The following FNIP2 variants were observed in gnomAD, a reference collection of about 807,000 sequenced individuals.
FNIP2 encodes folliculin interacting protein 2, also known as folliculin-interacting protein 2.
Under a neutral mutation model 108.7 loss-of-function variants are expected in FNIP2, and 32 were observed. The ratio of observed to expected loss-of-function variants is 0.29; its 90% CI spans 0.22 to 0.40. FNIP2 has a LOEUF of 0.40. Among genes scored for constraint, FNIP2 ranks in the 10% least tolerant of loss-of-function variants. The pLI, the probability that FNIP2 is intolerant of heterozygous loss-of-function variation, is 1.00. For missense variants in FNIP2, 1,202 were observed against 1,381.6 expected, an observed-to-expected ratio of 0.87 and a Z score of 2.06; for synonymous variants, 480 against 496.7, an observed-to-expected ratio of 0.97 and a Z score of 0.45.
chr4:158,900,874 A>C (rs769888711), intron 16 of FNIP2, among the ~76,000 whole-genome samples: 3 of 152,152 alleles, frequency 2.0e-5, no homozygotes, highest in Non-Finnish European at 4.4e-5. Context: ...TGATCCTGTC[A>C]TTATGATGCT....
intron 1 of FNIP2, among the ~76,000 whole-genome samples, chr4:158,770,409 T>G (rs530537589): frequency 4.6e-5 from 7 of 152,292 alleles, no homozygotes; most frequent in Non-Finnish European, 8.8e-5. Flanking sequence ...GTTAAACAGA[T>G]CTAGACCCAG....
chr4:158,869,303 A>G lies in FNIP2; in HGVS notation c.2667A>G (p.Arg889=). The change falls in exon 13 of 17, where the codon CGA becomes CGG. Residue 889 remains arginine, a synonymous_variant. Coordinates refer to ENST00000264433, the MANE Select transcript of FNIP2 (RefSeq NM_020840.3). ...ANFRTEGDIP[R]NESSDSALGD... is the part of the protein sequence containing the mutation. ...TCAGGACTGAAGGAGACATTCCCCG[A>G]AATGAAAGCTCAGATAGCGCCCTGG... The G allele has an allele frequency of 6.2e-7, 1 of 1,613,886 alleles. No individual in the cohort carries two copies. The highest frequency in any genetic ancestry group is 8.5e-7 in the Non-Finnish European group (1 of 1,179,858).
intron 1 of FNIP2, among the ~76,000 whole-genome samples, chr4:158,780,031 G>A (rs1008962138): frequency 1.3e-5 from 2 of 151,596 alleles, no homozygotes; most frequent in African/African-American, 4.8e-5. Context: ...AACAAAAGGA[G>A]ACCCCATCTC....
At chr4:158,781,366 G>C (rs1419802162) in intron 1 of FNIP2, among the ~76,000 whole-genome samples, 1 of 152,174 alleles carries the variant, frequency 6.6e-6, no homozygotes, top group Non-Finnish European at 1.5e-5. Flanking sequence ...TGTGAGGCAA[G>C]ATACATTTGG....
chr4:158,838,751 C>G (rs1778954257), intron 7 of FNIP2, among the ~76,000 whole-genome samples: 1 of 152,100 alleles, frequency 6.6e-6, no homozygotes, highest in African/African-American at 2.4e-5. Flanking sequence ...CTAAAGTCCA[C>G]AGTTTTTTTT....
intron 2 of FNIP2, among the ~76,000 whole-genome samples, chr4:158,826,870 T>G (rs1012532694): frequency 1.3e-5 from 2 of 152,248 alleles, no homozygotes; most frequent in Non-Finnish European, 2.9e-5. Flanking sequence ...ATTCATTCTT[T>G]TTATGTTCAA....
chr4:158,794,198 G>A (rs1385976621), intron 1 of FNIP2, among the ~76,000 whole-genome samples: 1 of 152,016 alleles, frequency 6.6e-6, no homozygotes, highest in Non-Finnish European at 1.5e-5. Flanking sequence ...TCTGTGGCCC[G>A]CTGGAGTGCA....
chr4:158,814,018 T>A, intron 1 of FNIP2, among the ~76,000 whole-genome samples: 1 of 152,228 alleles, frequency 6.6e-6, no homozygotes, highest in East Asian at 1.9e-4. Context: ...GTCTCTATTC[T>A]GTTCCATTGA....
At position 158,861,388 on chromosome 4, in the gene FNIP2, G is replaced by C. The variant is rs758517795; in HGVS notation, c.1195G>C (p.Val399Leu). 1 of 1,614,004 alleles carries C rather than the reference G, an allele frequency of 6.2e-7. No homozygotes were observed. The highest frequency in any genetic ancestry group is 2.2e-5 in the East Asian group (1 of 44,894). Reference protein sequence around the residue: ...LYSVPRIAEPVWLTMMSGTLE... With the variant: ...LYSVPRIAEPLWLTMMSGTLE... ...TTCTGTTCCAAGGATAGCTGAACCT[G>C]TATGGCTTACTATGATGTCCGGCAC... The change falls in exon 11 of 17, where the codon GTA becomes CTA. Residue 399 changes from valine (V) to leucine (L), a missense_variant. This residue lies in a region of FNIP2 where 878 missense variants were observed against 990.3 expected (regional missense o/e 0.89). Transcript: ENST00000264433.
chr4:158,780,243 T>C lies in FNIP2; in HGVS notation c.107+10924T>C, dbSNP rs1410463749. On this transcript the variant is annotated intron_variant, in intron 1 of 16. Transcript: ENST00000264433. ...AAAGGAAAACTATAAAATTCTATTA[T>C]AATACAAATAGCCACTTATTTATGA... is the stretch of plus-strand genomic sequence containing the variant. 3.9e-5 allele frequency among the ~76,000 whole-genome samples: 6 copies of C among 151,956 alleles called. No homozygotes were observed. The East Asian group carries it at 1.2e-3, about 29-fold the overall frequency.
intron 6 of FNIP2, chr4:158,833,990 G>A (rs770960580): frequency 1.8e-5 from 13 of 742,118 alleles, no homozygotes; most frequent in Non-Finnish European, 2.0e-5. Context: ...AGAAATCCAA[G>A]GGGCTCTTGT....
chr4:158,798,909 A>G (rs1036114432), intron 1 of FNIP2, among the ~76,000 whole-genome samples: 1 of 152,244 alleles, frequency 6.6e-6, no homozygotes, highest in Non-Finnish European at 1.5e-5. Context: ...TCTGTCAGAT[A>G]AATAGTTGTA....
At chr4:158,883,002 AAAAGC>A (rs1420386661) in intron 14 of FNIP2, among the ~76,000 whole-genome samples, 1 of 152,120 alleles carries the variant, frequency 6.6e-6, no homozygotes, top group Admixed American at 6.5e-5. Context: ...ATTAAAAAAA[AAAAGC>A]AAAGAAAAAT....
intron 1 of FNIP2, among the ~76,000 whole-genome samples, chr4:158,823,369 G>A (rs747271014): frequency 9.2e-5 from 14 of 152,264 alleles, no homozygotes; most frequent in African/African-American, 2.9e-4. Context: ...AAGTTCAAGC[G>A]ATTCTCCTGC....
At position 158,907,594 on chromosome 4, in the gene FNIP2, C is replaced by A. The variant is rs912770886; in HGVS notation, c.*3050C>A. The A allele has an allele frequency of 1.3e-5, 2 of 152,108 alleles. No homozygotes were observed. Among genetic ancestry groups the A allele is most frequent in the Non-Finnish European group, 2.9e-5 (2 of 68,016 alleles). The allele number at this position is 152,108 out of a possible 1,614,324, so 9.4% of individuals were successfully genotyped here. On this transcript the variant is annotated 3_prime_UTR_variant, in exon 17 of 17. Transcript: ENST00000264433. ...AAAGAATATAAAGTATCCCAAAATTCTTTTAAAGTCTGGATTTTTCCGCTA... is the reference window on the plus strand; with the variant it reads ...AAAGAATATAAAGTATCCCAAAATTATTTTAAAGTCTGGATTTTTCCGCTA...
chr4:158,882,345 C>G (rs979113784), intron 14 of FNIP2, among the ~76,000 whole-genome samples: 1 of 151,620 alleles, frequency 6.6e-6, no homozygotes, highest in African/African-American at 2.4e-5. Context: ...AGGGGCAGCC[C>G]CCGTCCGGCC....
At chr4:158,787,488 G>A (rs1464786593) in intron 1 of FNIP2, among the ~76,000 whole-genome samples, 5 of 152,084 alleles carry the variant, frequency 3.3e-5, no homozygotes, top group Non-Finnish European at 7.4e-5. Flanking sequence ...TATAGAATAG[G>A]AAAAGGCTCA....
At chr4:158,901,817 C>T (rs1729310775) in intron 16 of FNIP2, among the ~76,000 whole-genome samples, 1 of 151,662 alleles carries the variant, frequency 6.6e-6, no homozygotes. Context: ...AGTTCTCGTG[C>T]TGTGTTTTTC....
intron 12 of FNIP2, among the ~76,000 whole-genome samples, chr4:158,865,443 C>T (rs1780525596): frequency 6.6e-6 from 1 of 152,174 alleles, no homozygotes; most frequent in Non-Finnish European, 1.5e-5. Context: ...TGGTTCCACT[C>T]ACATTGCACT....
Sources: gnomAD v4.1 joint callset for allele counts (sites outside exome capture counted in the v4.1 genomes callset) on GRCh38, gnomAD v4.1.1 for gene constraint, gnomAD v4.1.1 regional missense constraint, MANE v1.5 for transcripts, NCBI Gene and HGNC (gene_info 2026-07-23, HGNC 2026-07-21) for gene names.